Variants in UNC5A observed in about 807,000 individuals in gnomAD.
UNC5A encodes unc-5 netrin receptor A, also known as netrin receptor UNC5A.
In UNC5A, 20 loss-of-function variants were observed where a neutral mutation model predicts 87.4. The ratio of observed to expected loss-of-function variants is 0.23; its 90% CI spans 0.16 to 0.33. UNC5A has a LOEUF of 0.33. Among genes scored for constraint, UNC5A ranks in the 10% least tolerant of loss-of-function variants. The probability of loss-of-function intolerance (pLI) is 1.00; values close to 1 mark genes in which losing one functional copy is unlikely to be tolerated. For missense variants in UNC5A, 844 were observed against 1,133.4 expected (o/e 0.74, Z 3.67); for synonymous variants, 438 against 482.3 (o/e 0.91, Z 1.20).
chr5:176,825,294 G>T (rs922498170), intron 1 of UNC5A, among the ~76,000 whole-genome samples: 2 of 152,176 alleles, frequency 1.3e-5, no homozygotes, highest in Non-Finnish European at 2.9e-5. Flanking sequence ...AAGCCAAAAG[G>T]GGGCCCGGGA....
chr5:176,836,085 CT>C (rs1243911291), intron 1 of UNC5A, among the ~76,000 whole-genome samples: 1 of 152,148 alleles, frequency 6.6e-6, no homozygotes, highest in Non-Finnish European at 1.5e-5. Context: ...GAGGGATGAG[CT>C]TTAGGAAGAT....
At position 176,879,502 on chromosome 5, in the gene UNC5A, G is replaced by A; in HGVS notation, c.2363+14G>A. The A allele has an allele frequency of 1.3e-6, 2 of 1,596,298 alleles. No individual in the cohort carries two copies. Among genetic ancestry groups the A allele is most frequent in the Non-Finnish European group, 1.7e-6 (2 of 1,171,994 alleles). ...CCACCTGGACAGGTGGGCGGGAGAG[G>A]GGCAGAGAGGGCCTGCGCAGGCCAC... is the stretch of plus-strand genomic sequence containing the variant. On this transcript the variant is annotated intron_variant, in intron 14 of 14. Transcript: ENST00000329542.
In UNC5A at chr5:176,844,968, G is replaced by A. The variant is rs1050084679; in HGVS notation, c.71-17656G>A. Among the ~76,000 whole-genome samples the A allele has an allele frequency of 5.3e-5, 8 of 152,324 alleles. No homozygotes were observed. The highest frequency in any genetic ancestry group is 1.0e-4 in the Non-Finnish European group (7 of 68,022). Reference sequence around the variant, plus strand: ...CGGAAAAGCCCCACCTTATCAGAGGGCGGTGGTCTTGCCCTCCCCTGAGAG... The same window carrying A: ...CGGAAAAGCCCCACCTTATCAGAGGACGGTGGTCTTGCCCTCCCCTGAGAG... On this transcript the variant is annotated intron_variant, in intron 1 of 14. Coordinates refer to ENST00000329542, the MANE Select transcript of UNC5A (RefSeq NM_133369.3). The surrounding 1 kb of genome is among the most constrained non-coding windows in gnomAD (Gnocchi z 4.2).
At chr5:176,859,822 C>T (rs1757789314) in intron 1 of UNC5A, among the ~76,000 whole-genome samples, 1 of 151,816 alleles carries the variant, frequency 6.6e-6, no homozygotes, top group African/African-American at 2.4e-5. Flanking sequence ...GTCATAGCTG[C>T]TAGAATGTCC....
chr5:176,856,166 A>T (rs1167906519), intron 1 of UNC5A, among the ~76,000 whole-genome samples: 1 of 151,740 alleles, frequency 6.6e-6, no homozygotes, highest in Admixed American at 6.6e-5. Flanking sequence ...CACACCTCAT[A>T]TTTTCTGGTG....
rs1757356221 is a variant in UNC5A at position 176,844,562 on chromosome 5, A to T, written c.71-18062A>T. 6.6e-6 allele frequency among the ~76,000 whole-genome samples: 1 copy of T among 152,142 alleles called. No individual in the cohort carries two copies. Among genetic ancestry groups the T allele is most frequent in the South Asian group, 2.1e-4 (1 of 4,834 alleles). On this transcript the variant is annotated intron_variant, in intron 1 of 14. Transcript: ENST00000329542. This position sits in a 1 kb window ranked among gnomAD's most constrained non-coding sequence, Gnocchi z 4.2. ...ACTTAGCCGCACTGTGCCACACCGA[A>T]ATTCACAGCCCACCGTGGCTCGGAG...
intron 1 of UNC5A, among the ~76,000 whole-genome samples, chr5:176,840,202 C>T (rs1298046269): frequency 6.6e-6 from 1 of 152,108 alleles, no homozygotes; most frequent in African/African-American, 2.4e-5. Flanking sequence ...TGGCGTTGGC[C>T]CAGGTTGTGG....
chr5:176,869,648 C>A lies in UNC5A; in HGVS notation c.721+684C>A. 2 of 700,044 alleles carry A rather than the reference C, an allele frequency of 2.9e-6. No individual in the cohort carries two copies. Among genetic ancestry groups the A allele is most frequent in the South Asian group, 1.5e-5 (1 of 67,446 alleles). 43.4% of individuals were successfully genotyped at this position (700,044 alleles called of 1,614,324 possible). On this transcript the variant is annotated intron_variant, in intron 5 of 14. Transcript: ENST00000329542. The surrounding 1 kb of genome is among the most constrained non-coding windows in gnomAD (Gnocchi z 9.1). ...GGTGGTCGACGTGGACCGAGTGGTC[C>A]GTCTGCAGCGCCAGCTGTGGGCGCG...
chr5:176,844,104 C>T lies in UNC5A; in HGVS notation c.71-18520C>T, dbSNP rs185395273. On this transcript the variant is annotated intron_variant, in intron 1 of 14. Coordinates refer to ENST00000329542, the MANE Select transcript of UNC5A (RefSeq NM_133369.3). The surrounding 1 kb of genome is among the most constrained non-coding windows in gnomAD (Gnocchi z 4.2). Reference sequence around the variant, plus strand: ...GAGGAGGGGCCCTGAGACATGGAAACGAGTGGAGGGCTGGAGAGAGTTCAG... The same window carrying T: ...GAGGAGGGGCCCTGAGACATGGAAATGAGTGGAGGGCTGGAGAGAGTTCAG... Among the ~76,000 whole-genome samples, 10 of 152,262 alleles carry T rather than the reference C, an allele frequency of 6.6e-5. No individual in the cohort carries two copies. The highest frequency in any genetic ancestry group is 1.9e-4 in the East Asian group (1 of 5,184).
intron 2 of UNC5A, among the ~76,000 whole-genome samples, chr5:176,864,589 C>A (rs1757925618): frequency 6.6e-6 from 1 of 152,194 alleles, no homozygotes; most frequent in Admixed American, 6.5e-5. Context: ...CCTGCCGGGG[C>A]TCCAACCAGC....
rs564010843 is a variant in UNC5A, at chr5:176,875,922, A to T, written c.1379-1270A>T. 6.6e-6 allele frequency among the ~76,000 whole-genome samples: 1 copy of T among 152,210 alleles called. No individual in the cohort carries two copies. Among genetic ancestry groups the T allele is most frequent in the Non-Finnish European group, 1.5e-5 (1 of 68,004 alleles). On this transcript the variant is annotated intron_variant, in intron 8 of 14. Transcript: ENST00000329542. This position sits in a 1 kb window ranked among gnomAD's most constrained non-coding sequence, Gnocchi z 5.2. The stretch of plus-strand genomic sequence containing the variant: ...CCACACGGATGATAACGAACCCCTC[A>T]TGGGGCTGTTGGGATGACGAGGTGA...
intron 6 of UNC5A, among the ~76,000 whole-genome samples, chr5:176,873,326 T>C (rs1403674429): frequency 6.6e-6 from 1 of 152,196 alleles, no homozygotes; most frequent in Non-Finnish European, 1.5e-5. Context: ...TGGATTTTTT[T>C]TTTTCCTCTA....
rs1411033707 is a variant in UNC5A, at chr5:176,824,122, G to T, written c.70+13302G>T. ...CAGGATCCTTGCCAGGGCTTCTCCCGCCTGGAGGCGGAGGTGCGGCCCCGA... is the reference window on the plus strand; with the variant it reads ...CAGGATCCTTGCCAGGGCTTCTCCCTCCTGGAGGCGGAGGTGCGGCCCCGA... On this transcript the variant is annotated intron_variant, in intron 1 of 14. Coordinates refer to ENST00000329542, the MANE Select transcript of UNC5A (RefSeq NM_133369.3). This position sits in a 1 kb window ranked among gnomAD's most constrained non-coding sequence, Gnocchi z 4.2. Among the ~76,000 whole-genome samples, 2 of 152,354 alleles carry T rather than the reference G, an allele frequency of 1.3e-5. No individual in the cohort carries two copies. The highest frequency in any genetic ancestry group is 2.1e-4 in the South Asian group (1 of 4,830).
At chr5:176,812,378 C>T (rs1025255887) in intron 1 of UNC5A, among the ~76,000 whole-genome samples, 3 of 152,168 alleles carry the variant, frequency 2.0e-5, no homozygotes, top group African/African-American at 7.2e-5. Flanking sequence ...AGCTGCATGT[C>T]GCCCACGTGA....
chr5:176,877,212 C>G lies in UNC5A; in HGVS notation c.1399C>G (p.Pro467Ala). 1 of 1,612,826 alleles carries G rather than the reference C, an allele frequency of 6.2e-7. No individual in the cohort carries two copies. Residue 467 changes from proline (P) to alanine (A), a missense_variant, in exon 9 of 15, where the codon CCA becomes GCA. Coordinates refer to ENST00000329542, the MANE Select transcript of UNC5A (RefSeq NM_133369.3). ...PNTGISLLIP[P>A]DAIPRGKIYE... ...TCCAGGAATCAGCCTCCTCATCCCCCCAGATGCCATACCCCGAGGGAAGAT... is the reference window on the plus strand; with the variant it reads ...TCCAGGAATCAGCCTCCTCATCCCCGCAGATGCCATACCCCGAGGGAAGAT...
chr5:176,838,758 G>T lies in UNC5A; in HGVS notation c.71-23866G>T, dbSNP rs1262954878. The stretch of plus-strand genomic sequence containing the variant: ...ACATCCTCACCCCACACCTTCCAGG[G>T]GAAAGATGCCTCCTCTCTTGAAAAG... On this transcript the variant is annotated intron_variant, in intron 1 of 14. Coordinates refer to ENST00000329542, the MANE Select transcript of UNC5A (RefSeq NM_133369.3). This position sits in a 1 kb window ranked among gnomAD's most constrained non-coding sequence, Gnocchi z 4.2. Among the ~76,000 whole-genome samples, 1 of 152,194 alleles carries T rather than the reference G, an allele frequency of 6.6e-6. No homozygotes were observed. Among genetic ancestry groups the T allele is most frequent in the African/African-American group, 2.4e-5 (1 of 41,448 alleles).
At position 176,874,681 on chromosome 5, in the gene UNC5A, G is replaced by T. The variant is rs1041237898; in HGVS notation, c.1378+115G>T. On this transcript the variant is annotated intron_variant, in intron 8 of 14. Transcript: ENST00000329542. This position sits in a 1 kb window ranked among gnomAD's most constrained non-coding sequence, Gnocchi z 7.6. ...TCCCGTGACAGATCAGCAAGGAAAG[G>T]GGGTGGAGTTTTGGGGAGAACCCAG... 1 of 1,271,098 alleles carries T rather than the reference G, an allele frequency of 7.9e-7. No homozygotes were observed. The highest frequency in any genetic ancestry group is 2.7e-5 in the East Asian group (1 of 37,068). The allele number at this position is 1,271,098 out of a possible 1,614,324, so 78.7% of individuals were successfully genotyped here.
In UNC5A at chr5:176,874,097, C is replaced by A; in HGVS notation, c.1016C>A (p.Ala339Asp). The A allele has an allele frequency of 6.2e-7, 1 of 1,614,052 alleles. No homozygotes were observed. Among genetic ancestry groups the A allele is most frequent in the Non-Finnish European group, 8.5e-7 (1 of 1,179,982 alleles). Residue 339 changes from alanine to aspartate, a missense_variant, in exon 7 of 15, where the codon GCT becomes GAT. Transcript: ENST00000329542. This position sits in a 1 kb window ranked among gnomAD's most constrained non-coding sequence, Gnocchi z 7.6. Reference sequence around the variant, plus strand: ...AAGGAGGGGCTGGACTCAGATGTGGCTGACTCGTCCATTCTCACCTCAGGC... The same window carrying A: ...AAGGAGGGGCTGGACTCAGATGTGGATGACTCGTCCATTCTCACCTCAGGC... Reference protein sequence around the residue: ...RKKEGLDSDVADSSILTSGFQ... With the variant: ...RKKEGLDSDVDDSSILTSGFQ...
intron 1 of UNC5A, among the ~76,000 whole-genome samples, chr5:176,858,661 C>G (rs1757722807): frequency 6.7e-6 from 1 of 148,156 alleles, no homozygotes; most frequent in African/African-American, 2.5e-5. Flanking sequence ...TGAGCAGGCA[C>G]TACCTGGCGT....
Sources: allele counts gnomAD v4.1 joint callset (sites outside exome capture counted in the v4.1 genomes callset), GRCh38; gene constraint gnomAD v4.1.1; non-coding constraint Gnocchi (gnomAD v3.1); transcripts MANE v1.5; gene names NCBI Gene and HGNC (gene_info 2026-07-23, HGNC 2026-07-21).